The following RNF123 variants were observed in gnomAD, a reference collection of about 807,000 sequenced individuals.
The protein encoded by RNF123 is E3 ubiquitin-protein ligase RNF123.
Under a neutral mutation model 168.5 loss-of-function variants are expected in RNF123, and 86 were observed. That is an observed-to-expected ratio of 0.51 (90% CI 0.43 to 0.61). RNF123 has a LOEUF of 0.61. Ranked by LOEUF, RNF123 falls within the 20% of genes least tolerant of loss-of-function variation. The pLI, the probability that RNF123 is intolerant of heterozygous loss-of-function variation, is 0.00. For missense variants in RNF123, 1,419 were observed against 1,729.7 expected, an observed-to-expected ratio of 0.82 and a Z score of 3.19; for synonymous variants, 666 against 689.1, an observed-to-expected ratio of 0.97 and a Z score of 0.52.
At position 49,720,582 on chromosome 3, in the gene RNF123, G is replaced by A; in HGVS notation, c.3572G>A (p.Gly1191Glu). The A allele has an allele frequency of 1.9e-6, 3 of 1,612,088 alleles. No homozygotes were observed. The highest frequency in any genetic ancestry group is 2.5e-6 in the Non-Finnish European group (3 of 1,178,848). ...CTACGCTCAATATGCTATCTCCTGGGACAGCCAGAGCCCCCAGCACCTGGC... is the reference window on the plus strand; with the variant it reads ...CTACGCTCAATATGCTATCTCCTGGAACAGCCAGAGCCCCCAGCACCTGGC... ...FQLRSICYLL[G>E]QPEPPAPGTA... Residue 1191 changes from glycine to glutamate, a missense_variant, in exon 36 of 39, where the codon GGA (glycine) becomes GAA (glutamate). Coordinates refer to ENST00000327697, the MANE Select transcript of RNF123 (RefSeq NM_022064.5).
In RNF123 at chr3:49,715,556, G is replaced by A. The variant is rs377106838; in HGVS notation, c.3011-19G>A. On this transcript the variant is annotated intron_variant, in intron 31 of 38. Transcript: ENST00000327697. ...CTGCAGTGGAGTCCCTGATGATGCC[G>A]CCTCCTGTCCCCCTGCAGAGCCCTG... 3.0e-5 allele frequency: 49 copies of A among 1,613,174 alleles called. No individual in the cohort carries two copies. The highest frequency in any genetic ancestry group is 1.1e-4 in the African/African-American group (8 of 74,926).
chr3:49,717,926 C>A, intron 35 of RNF123: 1 of 1,594,732 alleles, frequency 6.3e-7, no homozygotes, highest in Non-Finnish European at 8.5e-7. Context: ...AGGGTGGGGG[C>A]CTGGGTGGGG....
chr3:49,702,574 G>A (rs1196994965), intron 19 of RNF123, 59 bp from the exon 20 acceptor site: 1 of 1,613,330 alleles, frequency 6.2e-7, no homozygotes, highest in Non-Finnish European at 8.5e-7. Flanking sequence ...GGCCTTGGAT[G>A]AGGAATGGGC....
Position 49,712,963 on chromosome 3 carries a change from C to G in RNF123, c.2674+307C>G, listed in dbSNP as rs2080172690. The stretch of plus-strand genomic sequence containing the variant: ...GCAACTGCCATGGTCCAGGAGCCAG[C>G]TGGCCTTGCACCTTGACTCCCTGGC... On this transcript the variant is annotated intron_variant, in intron 27 of 38. Coordinates refer to ENST00000327697, the MANE Select transcript of RNF123 (RefSeq NM_022064.5). 4 of 702,480 alleles carry G rather than the reference C, an allele frequency of 5.7e-6. No homozygotes were observed. In the South Asian group the frequency reaches 5.9e-5, roughly 10 times the overall value. The allele number at this position is 702,480 out of a possible 1,614,324, so 43.5% of individuals were successfully genotyped here. A position where few individuals can be genotyped will look rare whatever the true frequency, so the allele number is the denominator to read the frequency against.
chr3:49,694,199 T>C (rs2054223964), intron 3 of RNF123, among the ~76,000 whole-genome samples: 1 of 152,244 alleles, frequency 6.6e-6, no homozygotes, highest in Non-Finnish European at 1.5e-5. Flanking sequence ...CTTAAAACGT[T>C]TTTATTGAGC....
rs2080245077 is a variant in RNF123, at chr3:49,716,374, T to C, written c.3416-19T>C. The C allele has an allele frequency of 6.2e-7, 1 of 1,611,532 alleles. No homozygotes were observed. The highest frequency in any genetic ancestry group is 8.5e-7 in the Non-Finnish European group (1 of 1,178,174). On this transcript the variant is annotated intron_variant, in intron 34 of 38. Coordinates refer to ENST00000327697, the MANE Select transcript of RNF123 (RefSeq NM_022064.5). The stretch of plus-strand genomic sequence containing the variant: ...AGGAGCATGTGGGTGGCTCATCTCT[T>C]TCCTCCCCTTCCCCTCAGGCCTAGA...
chr3:49,710,547 T>C (rs1282190105), intron 26 of RNF123, among the ~76,000 whole-genome samples: 2 of 152,224 alleles, frequency 1.3e-5, no homozygotes, highest in Non-Finnish European at 2.9e-5. Flanking sequence ...CCCAAAGTGC[T>C]GGGATTACAG....
At chr3:49,721,161 T>A in intron 38 of RNF123, 24 bp from the exon 39 acceptor site, 1 of 1,614,104 alleles carries the variant, frequency 6.2e-7, no homozygotes, top group Non-Finnish European at 8.5e-7. Flanking sequence ...TGCAGGGCAG[T>A]CCTCATCCCC....
chr3:49,693,347 C>CTTTTT lies in RNF123; in HGVS notation c.167+1860_167+1864dup, dbSNP rs35938648. 2.6e-4 allele frequency among the ~76,000 whole-genome samples: 9 copies of CTTTTT among 34,124 alleles called. 1 individual carries two copies. Among genetic ancestry groups the CTTTTT allele is most frequent in the Non-Finnish European group, 3.0e-4 (6 of 19,976 alleles). The allele number at this position is 34,124 out of a possible 152,430, so 22.4% of individuals were successfully genotyped here. A position where few individuals can be genotyped will look rare whatever the true frequency, so the allele number is the denominator to read the frequency against. On this transcript the variant is annotated intron_variant, in intron 3 of 38. Coordinates refer to ENST00000327697, the MANE Select transcript of RNF123 (RefSeq NM_022064.5). ...ACAGGCGTGAGCCAGTGTGCCTGGC[C>CTTTTT]TTTTTTTTTTTTTTTTTTTTTTTTT...
At chr3:49,703,917 C>T (rs964063733) in intron 21 of RNF123, among the ~76,000 whole-genome samples, 9 of 152,180 alleles carry the variant, frequency 5.9e-5, no homozygotes, top group Non-Finnish European at 1.3e-4. Context: ...CTCTGGCTGC[C>T]GCAGTGTATA....
At chr3:49,690,301 T>G in intron 1 of RNF123, among the ~76,000 whole-genome samples, 1 of 152,254 alleles carries the variant, frequency 6.6e-6, no homozygotes, top group East Asian at 1.9e-4. Context: ...ATGTGGTCAT[T>G]GAACTCTTGA....
chr3:49,709,175 A>G (rs888715407), intron 26 of RNF123, among the ~76,000 whole-genome samples: 1 of 151,098 alleles, frequency 6.6e-6, no homozygotes, highest in African/African-American at 2.4e-5. Flanking sequence ...CTTCTTGCCC[A>G]GGCTGGAGTG....
At position 49,703,513 on chromosome 3, in the gene RNF123, C is replaced by T. The variant is rs150738623; in HGVS notation, c.1837C>T (p.Arg613Trp). Residue 613 changes from arginine to tryptophan, a missense_variant, in exon 21 of 39, where the codon CGG becomes TGG. Around this residue, in one of 5 missense-constraint regions of RNF123, gnomAD observed 538 missense variants for 708.8 expected, o/e 0.76. Transcript: ENST00000327697. Reference protein sequence around the residue: ...QRLGGLLSHLRKTLKDDLASK... With the variant: ...QRLGGLLSHLWKTLKDDLASK... ...CCTGGGGGGCCTCCTCTCGCACCTG[C>T]GGAAGACCCTCAAAGGTGTGTACAG... 6.1e-5 allele frequency: 98 copies of T among 1,613,906 alleles called. No homozygotes were observed. In the African/African-American group the frequency reaches 8.4e-4, roughly 14 times the overall value.
In RNF123 at chr3:49,691,265, A is replaced by G. The variant is rs766719962; in HGVS notation, c.82+18A>G. ...GGTCACAGGTAAGAGCTGGCAGGGA[A>G]GGAAGGAGGCTCCTCTTGTTGGGAG... On this transcript the variant is annotated intron_variant, in intron 2 of 38. Transcript: ENST00000327697. The G allele has an allele frequency of 2.5e-6, 4 of 1,612,394 alleles. No homozygotes were observed. In the South Asian group the frequency reaches 4.4e-5, roughly 18 times the overall value.
rs1414545251 is a variant in RNF123, at chr3:49,720,364, G to GACTT, written c.3501-146_3501-143dup. 37 of 732,696 alleles carry GACTT rather than the reference G, an allele frequency of 5.0e-5. No individual in the cohort carries two copies. In the East Asian group the frequency reaches 1.1e-3, roughly 21 times the overall value. 45.4% of individuals were successfully genotyped at this position (732,696 alleles called of 1,614,324 possible). On this transcript the variant is annotated intron_variant, in intron 35 of 38. Transcript: ENST00000327697. ...TGTGTGGCACCTTACTAGAATACAG[G>GACTT]ACTTGGGGTTTGGGAAGCAGGGAGA... is the stretch of plus-strand genomic sequence containing the variant.
chr3:49,712,392 G>A (rs2108196566), intron 26 of RNF123, 87 bp from the exon 27 acceptor site: 1 of 1,319,448 alleles, frequency 7.6e-7, no homozygotes, highest in Non-Finnish European at 1.1e-6. Flanking sequence ...GTAGGCCTGG[G>A]GAGGCCTTTC....
At chr3:49,719,307 C>T (rs1280632056) in intron 35 of RNF123, 5 of 1,613,134 alleles carry the variant, frequency 3.1e-6, no homozygotes, top group Non-Finnish European at 3.4e-6. Context: ...CTGGCACGTC[C>T]TGCAGCCCTA....
At position 49,707,230 on chromosome 3, in the gene RNF123, T is replaced by C. The variant is rs78949214; in HGVS notation, c.2496+332T>C. ...CAGTGCATCAGGGGCTCTGCAGTCT[T>C]TCCCGGAGGCACACTCCACCATCTG... is the stretch of plus-strand genomic sequence containing the variant. On this transcript the variant is annotated intron_variant, in intron 26 of 38. Transcript: ENST00000327697. Among the ~76,000 whole-genome samples, 486 of 151,678 alleles carry C rather than the reference T, an allele frequency of 3.2e-3. 14 individuals are homozygous for C. The East Asian group carries it at 0.055, about 17-fold the overall frequency.
chr3:49,696,607 G>T (rs12496226), intron 3 of RNF123, among the ~76,000 whole-genome samples: 40,493 of 148,590 alleles, frequency 0.27, 5,626 homozygotes, highest in Non-Finnish European at 0.31. Flanking sequence ...AAAGTGCTGG[G>T]ATTACAGGCA....
Sources: allele counts gnomAD v4.1 joint callset (sites outside exome capture counted in the v4.1 genomes callset), GRCh38; gene constraint gnomAD v4.1.1; regional missense constraint gnomAD v4.1.1; transcripts MANE v1.5; gene names NCBI Gene and HGNC (gene_info 2026-07-23, HGNC 2026-07-21).